Variants in SHCBP1L observed in about 807,000 individuals in gnomAD.
SHCBP1L encodes the protein SHC binding and spindle associated 1 like.
Under a neutral mutation model 62.5 loss-of-function variants are expected in SHCBP1L, and 67 were observed. The observed-to-expected ratio is 1.07, with a 90% CI of 0.88 to 1.31. SHCBP1L has a LOEUF of 1.31. SHCBP1L is among the 40% of genes most tolerant of loss of function. The pLI is 0.00. For synonymous variants in SHCBP1L, 284 were observed against 289.4 expected (o/e 0.98, Z 0.19); for missense variants, 823 against 809.8 (o/e 1.02, Z -0.20).
At chr1:182,936,138 T>TG (rs1651162904) in intron 5 of SHCBP1L, among the ~76,000 whole-genome samples, 1 of 140,518 alleles carries the variant, frequency 7.1e-6, no homozygotes. Context: ...TTGTTTTTTT[T>TG]TTTTTTTTTT....
chr1:182,932,392 A>C (rs1651035435), intron 5 of SHCBP1L, among the ~76,000 whole-genome samples: 1 of 152,172 alleles, frequency 6.6e-6, no homozygotes, highest in African/African-American at 2.4e-5. Context: ...CAAAGTGACT[A>C]TACTGTTTTT....
intron 1 of SHCBP1L, chr1:182,952,487 A>G: frequency 2.2e-6 from 1 of 463,882 alleles, no homozygotes; most frequent in Non-Finnish European, 3.7e-6. Flanking sequence ...ATTCTCTCTC[A>G]GGGCTGTCCC....
At chr1:182,924,797 A>AG (rs1557996930) in intron 6 of SHCBP1L, among the ~76,000 whole-genome samples, 2 of 122,828 alleles carry the variant, frequency 1.6e-5, no homozygotes, top group South Asian at 2.8e-4. Context: ...AGAGAGAAAG[A>AG]AAGGAAGGAA....
chr1:182,917,768 C>A (rs1008677282), intron 6 of SHCBP1L, among the ~76,000 whole-genome samples: 3 of 152,070 alleles, frequency 2.0e-5, no homozygotes, highest in Non-Finnish European at 4.4e-5. Flanking sequence ...ACCCTAATGG[C>A]TTCATTTTAA....
intron 9 of SHCBP1L, among the ~76,000 whole-genome samples, chr1:182,901,244 G>C (rs1164178880): frequency 6.6e-6 from 1 of 152,006 alleles, no homozygotes; most frequent in Non-Finnish European, 1.5e-5. Context: ...GATCACCTGA[G>C]GTCAGTAGTT....
intron 6 of SHCBP1L, among the ~76,000 whole-genome samples, chr1:182,915,030 T>C (rs191895428): frequency 9.8e-4 from 148 of 151,358 alleles, no homozygotes; most frequent in South Asian, 3.1e-3. Context: ...TAGCCAGGCA[T>C]GGTGGTGCAT....
chr1:182,924,972 AAG>A (rs1491392010), intron 6 of SHCBP1L, among the ~76,000 whole-genome samples: 2 of 140,638 alleles, frequency 1.4e-5, no homozygotes, highest in African/African-American at 5.7e-5. Flanking sequence ...GAAAGAAAGA[AAG>A]AAAAAAAAAG....
intron 9 of SHCBP1L, among the ~76,000 whole-genome samples, chr1:182,900,795 G>A (rs150106120): frequency 0.033 from 5,044 of 152,170 alleles, 200 homozygotes; most frequent in African/African-American, 0.09. Context: ...CTCTTAAGAA[G>A]GCAGAGGCAG....
chr1:182,911,739 A>C (rs1022946307), intron 6 of SHCBP1L, among the ~76,000 whole-genome samples: 1 of 152,220 alleles, frequency 6.6e-6, no homozygotes, highest in Non-Finnish European at 1.5e-5. Flanking sequence ...GGGGTTCAAC[A>C]GCAGATTTGA....
At position 182,904,160 on chromosome 1, in the gene SHCBP1L, C is replaced by A; in HGVS notation, c.1587+20G>T. 1 of 1,612,028 alleles carries A rather than the reference C, an allele frequency of 6.2e-7. No homozygotes were observed. The highest frequency in any genetic ancestry group is 8.5e-7 in the Non-Finnish European group (1 of 1,179,102). On this transcript the variant is annotated intron_variant, in intron 8 of 9. Transcript: ENST00000367547. The stretch of plus-strand genomic sequence containing the variant: ...TCATCTATAGTCATATAAGGCCATA[C>A]TTTTTAAAGAATGAAATACCTGGGC...
intron 5 of SHCBP1L, among the ~76,000 whole-genome samples, chr1:182,933,094 C>CG (rs1183434110): frequency 6.6e-6 from 1 of 151,500 alleles, no homozygotes; most frequent in Non-Finnish European, 1.5e-5. Flanking sequence ...TTAGTAGAGA[C>CG]GGGGTTTCAC....
intron 1 of SHCBP1L, 195 bp downstream of exon 1, chr1:182,952,534 A>T (rs1296040436): frequency 3.4e-6 from 2 of 591,738 alleles, no homozygotes; most frequent in Admixed American, 4.0e-5. Context: ...TCGAACCTTA[A>T]CTCCTCTAGG....
rs761686391 is a variant in SHCBP1L at position 182,929,625 on chromosome 1, A to G, written c.1182+22T>C. ...TACACAGCTAATACTTAAATAACAA[A>G]TAAGAATAGTTTATTTCTTACCATT... On this transcript the variant is annotated intron_variant, in intron 6 of 9. Coordinates refer to ENST00000367547, the MANE Select transcript of SHCBP1L (RefSeq NM_030933.4). The G allele has an allele frequency of 2.1e-6, 3 of 1,454,816 alleles. No homozygotes were observed. The South Asian group carries it at 3.8e-5, about 19-fold the overall frequency. 90.1% of individuals were successfully genotyped at this position (1,454,816 alleles called of 1,614,324 possible).
rs199794601 is a variant in SHCBP1L at position 182,924,701 on chromosome 1, GAAGA to G, written c.1182+4942_1182+4945del. On this transcript the variant is annotated intron_variant, in intron 6 of 9. Coordinates refer to ENST00000367547, the MANE Select transcript of SHCBP1L (RefSeq NM_030933.4). The stretch of plus-strand genomic sequence containing the variant: ...GAAAGGAAAGGAAAGGAAAGGAAAG[GAAGA>G]AAGAAAGAAAGAAAGAAAGAAAGAA... 8.9e-3 allele frequency among the ~76,000 whole-genome samples: 294 copies of G among 33,154 alleles called. 1 individual carries two copies. The highest frequency in any genetic ancestry group is 0.016 in the East Asian group (21 of 1,282). The allele number at this position is 33,154 out of a possible 152,430, so 21.8% of individuals were successfully genotyped here. A position where few individuals can be genotyped will look rare whatever the true frequency, so the allele number is the denominator to read the frequency against.
At chr1:182,904,807 G>A (rs1181712172) in intron 7 of SHCBP1L, among the ~76,000 whole-genome samples, 1 of 151,844 alleles carries the variant, frequency 6.6e-6, no homozygotes, top group Non-Finnish European at 1.5e-5. Context: ...CCAGGCTGGA[G>A]TGCAGTGGCT....
Position 182,953,143 on chromosome 1 carries a change from A to T in SHCBP1L, c.-10T>A. ...TGGAGCCCGACGCCATCTCCTCAGC[A>T]GCCCGAGGGCCGAGGCAGCCGTTGG... On this transcript the variant is annotated 5_prime_UTR_variant, in exon 1 of 10. Transcript: ENST00000367547. 6.3e-7 allele frequency: 1 copy of T among 1,578,832 alleles called. No homozygotes were observed.
intron 5 of SHCBP1L, among the ~76,000 whole-genome samples, chr1:182,930,524 C>A: frequency 8.4e-6 from 1 of 119,360 alleles, no homozygotes; most frequent in African/African-American, 3.1e-5. Flanking sequence ...GTGCTTTATG[C>A]TAAGAGGATG....
intron 2 of SHCBP1L, chr1:182,942,266 G>A (rs1223747263): frequency 3.0e-6 from 4 of 1,334,340 alleles, no homozygotes; most frequent in Non-Finnish European, 3.2e-6. Flanking sequence ...TTTTTTGTCT[G>A]AAGATTTATC....
chr1:182,914,077 T>C (rs1650279272), intron 6 of SHCBP1L, among the ~76,000 whole-genome samples: 1 of 152,172 alleles, frequency 6.6e-6, no homozygotes, highest in South Asian at 2.1e-4. Flanking sequence ...AGATCTTTAA[T>C]AAGATTAAGG....
Sources: allele counts gnomAD v4.1 joint callset (sites outside exome capture counted in the v4.1 genomes callset), GRCh38; gene constraint gnomAD v4.1.1; transcripts MANE v1.5; gene names NCBI Gene and HGNC (gene_info 2026-07-23, HGNC 2026-07-21).